The following NELL1 variants were observed in gnomAD, a reference collection of about 807,000 sequenced individuals.
NELL1 encodes neural EGFL like 1, also known as protein kinase C-binding protein NELL1.
In NELL1, 76 loss-of-function variants were observed where a neutral mutation model predicts 107.4. The observed-to-expected ratio is 0.71, with a 90% confidence interval of 0.59 to 0.86. The LOEUF is 0.86. Ranked by LOEUF, NELL1 falls within the 40% of genes least tolerant of loss-of-function variation. NELL1 has a pLI of 0.00. For missense variants in NELL1, 1,024 were observed against 1,005.5 expected, an observed-to-expected ratio of 1.02 and a Z score of -0.25; for synonymous variants, 353 against 341.2, an observed-to-expected ratio of 1.03 and a Z score of -0.38.
intron 14 of NELL1, among the ~76,000 whole-genome samples, chr11:21,361,560 A>T (rs1452476633): frequency 6.6e-6 from 1 of 152,116 alleles, no homozygotes; most frequent in Non-Finnish European, 1.5e-5. Flanking sequence ...GTTTTCCTCT[A>T]TTATTCTCTC....
intron 14 of NELL1, among the ~76,000 whole-genome samples, chr11:21,233,018 G>A (rs760604050): frequency 2.6e-5 from 4 of 152,200 alleles, no homozygotes; most frequent in Non-Finnish European, 4.4e-5. Context: ...ATTGTTCATA[G>A]ACTTGACTAA....
rs566609962 is a variant in NELL1, at chr11:20,705,695, C to T, written c.184+27635C>T. On this transcript the variant is annotated intron_variant, in intron 2 of 19. Transcript: ENST00000357134. ...CTAATTAAACTAAAGAGCTTCTGCA[C>T]AGCAAAAGAAACTACCATCAGAGTG... Among the ~76,000 whole-genome samples, 300 of 146,292 alleles carry T rather than the reference C, an allele frequency of 2.1e-3. 4 individuals carry two copies. The highest frequency in any genetic ancestry group is 7.2e-3 in the African/African-American group (278 of 38,860).
At chr11:20,761,711 G>A (rs565425948) in intron 2 of NELL1, among the ~76,000 whole-genome samples, 52 of 152,262 alleles carry the variant, frequency 3.4e-4, no homozygotes, top group African/African-American at 1.1e-3. Context: ...CAAACTCTGG[G>A]AGAAAATGTA....
At chr11:21,085,152 C>G (rs976058531) in intron 12 of NELL1, among the ~76,000 whole-genome samples, 1 of 151,972 alleles carries the variant, frequency 6.6e-6, no homozygotes, top group Non-Finnish European at 1.5e-5. Flanking sequence ...TATTGAGTAC[C>G]TATAATATGT....
chr11:20,786,134 T>TGAG (rs1229403144), intron 3 of NELL1, among the ~76,000 whole-genome samples: 1 of 151,324 alleles, frequency 6.6e-6, no homozygotes, highest in Non-Finnish European at 1.5e-5. Context: ...GCGGATCACC[T>TGAG]GAGGTCAGGA....
chr11:21,065,018 G>A (rs1853834348), intron 12 of NELL1, among the ~76,000 whole-genome samples: 1 of 152,034 alleles, frequency 6.6e-6, no homozygotes, highest in Non-Finnish European at 1.5e-5. Context: ...TGATACAGTG[G>A]TACATTGTGT....
At chr11:21,360,885 C>G (rs559677465) in intron 14 of NELL1, among the ~76,000 whole-genome samples, 1 of 152,258 alleles carries the variant, frequency 6.6e-6, no homozygotes, top group African/African-American at 2.4e-5. Flanking sequence ...ACAGCAGATA[C>G]TTGTTTGGTG....
At chr11:20,676,911 T>C (rs1854073009) in intron 1 of NELL1, among the ~76,000 whole-genome samples, 1 of 151,956 alleles carries the variant, frequency 6.6e-6, no homozygotes, top group Non-Finnish European at 1.5e-5. Flanking sequence ...GACACAGCCT[T>C]TATGAATGGC....
At chr11:21,168,300 G>A (rs998784933) in intron 13 of NELL1, among the ~76,000 whole-genome samples, 6 of 151,516 alleles carry the variant, frequency 4.0e-5, no homozygotes, top group Admixed American at 1.3e-4. Flanking sequence ...TTGGGTATCC[G>A]TGACTATTAG....
At chr11:21,500,560 C>T (rs1855111906) in intron 15 of NELL1, among the ~76,000 whole-genome samples, 1 of 152,078 alleles carries the variant, frequency 6.6e-6, no homozygotes, top group African/African-American at 2.4e-5. Context: ...CAGTTCCCAA[C>T]AATTCAATTT....
At chr11:20,706,320 A>C (rs1854952673) in intron 2 of NELL1, among the ~76,000 whole-genome samples, 1 of 152,182 alleles carries the variant, frequency 6.6e-6, no homozygotes, top group Non-Finnish European at 1.5e-5. Flanking sequence ...TATATACACC[A>C]TGGAATACTA....
At chr11:20,833,012 A>G (rs1858045508) in intron 3 of NELL1, among the ~76,000 whole-genome samples, 1 of 152,110 alleles carries the variant, frequency 6.6e-6, no homozygotes, top group Admixed American at 6.6e-5. Flanking sequence ...CAGCCTTCCC[A>G]GTGACTCTTA....
intron 12 of NELL1, among the ~76,000 whole-genome samples, chr11:21,047,258 A>T (rs1257390207): frequency 6.6e-6 from 1 of 152,150 alleles, no homozygotes; most frequent in Non-Finnish European, 1.5e-5. Flanking sequence ...CAGTTGCTAT[A>T]TATGTTTGTC....
chr11:21,063,202 C>G (rs532944713), intron 12 of NELL1, among the ~76,000 whole-genome samples: 2 of 152,182 alleles, frequency 1.3e-5, no homozygotes, highest in African/African-American at 4.8e-5. Context: ...TGATGAGACA[C>G]AGAAGGTGAG....
chr11:20,907,232 CAA>C (rs5790146), intron 5 of NELL1, among the ~76,000 whole-genome samples: 1,438 of 124,932 alleles, frequency 0.012, 19 homozygotes, highest in African/African-American at 0.037. Flanking sequence ...GACTCCATCT[CAA>C]AAAAAAAAAA....
chr11:21,319,149 G>A (rs1849946650), intron 14 of NELL1, among the ~76,000 whole-genome samples: 1 of 151,224 alleles, frequency 6.6e-6, no homozygotes, highest in African/African-American at 2.4e-5. Context: ...GTGTGTGTGT[G>A]TGTGTGTATA....
intron 15 of NELL1, among the ~76,000 whole-genome samples, chr11:21,517,557 T>C (rs189112705): frequency 6.6e-6 from 1 of 152,274 alleles, no homozygotes; most frequent in Non-Finnish European, 1.5e-5. Flanking sequence ...TGTATGACCT[T>C]GAATATGGTA....
chr11:21,512,742 A>G (rs1855469415), intron 15 of NELL1, among the ~76,000 whole-genome samples: 1 of 152,312 alleles, frequency 6.6e-6, no homozygotes, highest in African/African-American at 2.4e-5. Context: ...GAAAAGCCAC[A>G]TAGGCAGTAA....
At chr11:21,071,125 C>A (rs1032067709) in intron 12 of NELL1, among the ~76,000 whole-genome samples, 1 of 152,082 alleles carries the variant, frequency 6.6e-6, no homozygotes, top group Non-Finnish European at 1.5e-5. Context: ...TTAAATCCTG[C>A]CCCATTCGCT....
Sources: allele counts gnomAD v4.1 joint callset (sites outside exome capture counted in the v4.1 genomes callset), GRCh38; gene constraint gnomAD v4.1.1; transcripts MANE v1.5; gene names NCBI Gene and HGNC (gene_info 2026-07-23, HGNC 2026-07-21).